Variants in EXT1 observed in about 807,000 individuals in gnomAD.
The protein encoded by EXT1 is exostosin glycosyltransferase 1.
Under a neutral mutation model 82.5 loss-of-function variants are expected in EXT1, and 20 were observed. The ratio of observed to expected loss-of-function variants is 0.24; its 90% CI spans 0.17 to 0.35. EXT1 has a LOEUF of 0.35. Among genes scored for constraint, EXT1 ranks in the 10% least tolerant of loss-of-function variants. EXT1 has a pLI of 1.00. For missense variants in EXT1, 757 were observed against 936.5 expected, an observed-to-expected ratio of 0.81 and a Z score of 2.50; for synonymous variants, 348 against 350.8, an observed-to-expected ratio of 0.99 and a Z score of 0.09.
rs17474846 is a variant in EXT1, at chr8:117,850,957, T to A, written c.963-13756A>T. Reference sequence around the variant, plus strand: ...AATAAGGTCTACAGAAAAACAGAAATAAAACCCAAACCACCCTTAGCACAA... The same window carrying A: ...AATAAGGTCTACAGAAAAACAGAAAAAAAACCCAAACCACCCTTAGCACAA... On this transcript the variant is annotated intron_variant, in intron 1 of 10. Transcript: ENST00000378204. Among the ~76,000 whole-genome samples the A allele has an allele frequency of 9.7e-3, 1,472 of 151,930 alleles. 27 individuals carry two copies. The highest frequency in any genetic ancestry group is 0.033 in the African/African-American group (1,368 of 41,428).
At chr8:117,909,464 C>T (rs1813605028) in intron 1 of EXT1, among the ~76,000 whole-genome samples, 1 of 152,058 alleles carries the variant, frequency 6.6e-6, no homozygotes, top group African/African-American at 2.4e-5. Context: ...AGAGATTATG[C>T]TAGTTTGATT....
At chr8:117,816,184 CTCTT>C (rs1320589129) in intron 7 of EXT1, among the ~76,000 whole-genome samples, 1 of 152,100 alleles carries the variant, frequency 6.6e-6, no homozygotes, top group Admixed American at 6.5e-5. Flanking sequence ...CATATTATGA[CTCTT>C]TCCATTTATT....
At chr8:117,923,932 A>C (rs548756895) in intron 1 of EXT1, among the ~76,000 whole-genome samples, 3 of 152,324 alleles carry the variant, frequency 2.0e-5, no homozygotes, top group African/African-American at 7.2e-5. Flanking sequence ...GTGAGAAGGA[A>C]AACACAGAGA....
intron 1 of EXT1, among the ~76,000 whole-genome samples, chr8:117,892,313 A>G (rs1331014702): frequency 6.6e-6 from 1 of 152,242 alleles, no homozygotes; most frequent in African/African-American, 2.4e-5. Flanking sequence ...ACAATGCCCA[A>G]AGTCAATGAT....
chr8:117,911,521 G>A lies in EXT1; in HGVS notation c.963-74320C>T, dbSNP rs937905859. On this transcript the variant is annotated intron_variant, in intron 1 of 10. Coordinates refer to ENST00000378204, the MANE Select transcript of EXT1 (RefSeq NM_000127.3). The stretch of plus-strand genomic sequence containing the variant: ...GCAACCAACATCACAGCCCACTCAA[G>A]CTCAGAGAGCTGCCCTGCTCACCAA... Among the ~76,000 whole-genome samples the A allele has an allele frequency of 2.0e-5, 3 of 152,278 alleles. No homozygotes were observed. The South Asian group carries it at 6.2e-4, about 32-fold the overall frequency.
intron 1 of EXT1, among the ~76,000 whole-genome samples, chr8:118,022,649 A>G (rs1295648600): frequency 6.6e-6 from 1 of 152,086 alleles, no homozygotes; most frequent in East Asian, 1.9e-4. Context: ...AAAAAAAAAA[A>G]AGATATATTA....
intron 1 of EXT1, among the ~76,000 whole-genome samples, chr8:118,074,574 G>GA (rs34617562): frequency 0.29 from 38,918 of 131,978 alleles, 6,039 homozygotes; most frequent in East Asian, 0.55. Context: ...AGAGAAGAGA[G>GA]AAAAAAAAAA....
intron 7 of EXT1, among the ~76,000 whole-genome samples, chr8:117,816,896 C>G (rs1170335714): frequency 1.3e-5 from 2 of 152,162 alleles, no homozygotes; most frequent in Admixed American, 6.5e-5. Flanking sequence ...AACAAAGAAT[C>G]CCAAAGTTCA....
At chr8:117,858,840 GGAAGGAAAGAAAGAAA>G (rs1381881389) in intron 1 of EXT1, among the ~76,000 whole-genome samples, 1 of 58,266 alleles carries the variant, frequency 1.7e-5, no homozygotes, top group African/African-American at 6.3e-5. Context: ...AAGGAAGGAA[GGAAGGAAAGAAAGAAA>G]GAAAGAAAGA....
chr8:118,018,563 T>C (rs1261083674), intron 1 of EXT1, among the ~76,000 whole-genome samples: 1 of 152,226 alleles, frequency 6.6e-6, no homozygotes, highest in Non-Finnish European at 1.5e-5. Context: ...ATAGACTTTG[T>C]TACAGCAGAC....
chr8:117,851,702 C>T (rs894787134), intron 1 of EXT1, among the ~76,000 whole-genome samples: 23 of 151,670 alleles, frequency 1.5e-4, no homozygotes, highest in Middle Eastern at 3.4e-3. Context: ...ATACCCTAAA[C>T]CACTAAATGA....
chr8:118,018,710 G>A (rs560766572), intron 1 of EXT1, among the ~76,000 whole-genome samples: 2 of 152,262 alleles, frequency 1.3e-5, no homozygotes, highest in Admixed American at 6.5e-5. Context: ...TAAGCCCTTG[G>A]ATGTTTGATT....
chr8:117,851,616 G>GACACACAC (rs35686154), intron 1 of EXT1, among the ~76,000 whole-genome samples: 23,124 of 147,818 alleles, frequency 0.16, 1,934 homozygotes, highest in Admixed American at 0.23. Context: ...AATTTAGCTG[G>GACACACAC]ACACACACAC....
chr8:117,944,575 G>A (rs1278866886), intron 1 of EXT1, among the ~76,000 whole-genome samples: 5 of 152,066 alleles, frequency 3.3e-5, no homozygotes, highest in African/African-American at 7.2e-5. Flanking sequence ...AGGTTTGCCC[G>A]GCTATGACCG....
chr8:117,896,312 T>A (rs936022454), intron 1 of EXT1, among the ~76,000 whole-genome samples: 18 of 152,348 alleles, frequency 1.2e-4, no homozygotes, highest in Middle Eastern at 3.4e-3. Flanking sequence ...ACGAGCTTCC[T>A]TTAGTATATT....
chr8:117,861,519 G>GCTAACAACGCCCACTGCCCTGTT (rs1309943981), intron 1 of EXT1, among the ~76,000 whole-genome samples: 2,949 of 86,040 alleles, frequency 0.034, 436 homozygotes, highest in Admixed American at 0.052. Context: ...TTTTGAGATA[G>GCTAACAACGCCCACTGCCCTGTT]AGTCTTGCTC....
intron 9 of EXT1, 75 bp downstream of exon 9, chr8:117,807,142 C>T (rs1346736272): frequency 1.3e-6 from 2 of 1,583,508 alleles, no homozygotes; most frequent in Admixed American, 1.7e-5. Context: ...AAGATTTGGC[C>T]TTAGTTCCTA....
intron 1 of EXT1, among the ~76,000 whole-genome samples, chr8:117,923,312 G>A (rs1813891478): frequency 6.6e-6 from 1 of 151,842 alleles, no homozygotes; most frequent in South Asian, 2.1e-4. Context: ...CAGAGACTCT[G>A]TTTCAAAAAC....
At position 117,957,455 on chromosome 8, in the gene EXT1, G is replaced by A. The variant is rs368450030; in HGVS notation, c.963-120254C>T. ...GCCCTTCCCCCTGGCCTCTCGGCCC[G>A]GAATAAACAGGCTGCAGGTCTTACG... On this transcript the variant is annotated intron_variant, in intron 1 of 10. Coordinates refer to ENST00000378204, the MANE Select transcript of EXT1 (RefSeq NM_000127.3). Among the ~76,000 whole-genome samples, 11 of 152,290 alleles carry A rather than the reference G, an allele frequency of 7.2e-5. No individual in the cohort carries two copies. In the South Asian group the frequency reaches 1.5e-3, roughly 20 times the overall value.
Sources: allele counts gnomAD v4.1 joint callset (sites outside exome capture counted in the v4.1 genomes callset), GRCh38; gene constraint gnomAD v4.1.1; transcripts MANE v1.5; gene names NCBI Gene and HGNC (gene_info 2026-07-23, HGNC 2026-07-21).